The following COL21A1 variants were observed in gnomAD, a reference collection of about 807,000 sequenced individuals.
COL21A1 encodes collagen alpha-1(XXI) chain.
Under a neutral mutation model 137.9 loss-of-function variants are expected in COL21A1, and 149 were observed. That is an observed-to-expected ratio of 1.08 (90% confidence interval 0.95 to 1.24). The LOEUF (loss-of-function observed/expected upper bound fraction) is 1.24. Among genes scored for constraint, COL21A1 ranks in the 50% most tolerant of loss-of-function variants. The probability of loss-of-function intolerance (pLI) is 0.00; values close to 1 mark genes in which losing one functional copy is unlikely to be tolerated. For missense variants in COL21A1, 1,167 were observed against 1,158.4 expected, an observed-to-expected ratio of 1.01 and a Z score of -0.11; for synonymous variants, 456 against 391.5, an observed-to-expected ratio of 1.16 and a Z score of -1.95.
Position 56,059,212 on chromosome 6 carries a change from C to T in COL21A1, c.2639G>A (p.Ser880Asn), listed in dbSNP as rs771682252. ...GLPGRNGEKG[S>N]QGFGYPGEQG... Reference sequence around the variant, plus strand: ...TTCTCCAGGATACCCAAACCCTTGGCTCCCTTTTTCCCCATTTCTTCCTGG... The same window carrying T: ...TTCTCCAGGATACCCAAACCCTTGGTTCCCTTTTTCCCCATTTCTTCCTGG... The change falls in exon 29 of 30, where the codon AGC becomes AAC. Residue 880 changes from serine to asparagine, a missense_variant. Physicochemically the swap from Ser to Asn is conservative, Grantham distance 46. Transcript: ENST00000244728. 1.9e-6 allele frequency: 3 copies of T among 1,607,678 alleles called. No homozygotes were observed. The East Asian group carries it at 6.7e-5, about 36-fold the overall frequency.
chr6:56,201,265 T>C (rs1561978205), intron 1 of COL21A1, among the ~76,000 whole-genome samples: 1 of 152,194 alleles, frequency 6.6e-6, no homozygotes, highest in Non-Finnish European at 1.5e-5. Context: ...GCCTGTTCAC[T>C]CTGATGGTAG....
intron 9 of COL21A1, among the ~76,000 whole-genome samples, chr6:56,163,179 A>G (rs994014413): frequency 1.3e-5 from 2 of 152,262 alleles, no homozygotes; most frequent in African/African-American, 4.8e-5. Context: ...ATTACGATTC[A>G]TATTTAACAA....
At chr6:56,072,155 GT>G (rs1481626777) in intron 20 of COL21A1, among the ~76,000 whole-genome samples, 1 of 151,394 alleles carries the variant, frequency 6.6e-6, no homozygotes, top group Non-Finnish European at 1.5e-5. Flanking sequence ...ACATGACCTC[GT>G]TGTTTTTTAT....
intron 10 of COL21A1, among the ~76,000 whole-genome samples, chr6:56,153,372 C>A (rs551997786): frequency 1.3e-5 from 2 of 152,270 alleles, no homozygotes; most frequent in African/African-American, 4.8e-5. Context: ...CGCCCTCCAA[C>A]CTGCCTATGG....
chr6:56,191,777 G>A (rs1778699610), intron 1 of COL21A1, among the ~76,000 whole-genome samples: 1 of 152,076 alleles, frequency 6.6e-6, no homozygotes, highest in Admixed American at 6.6e-5. Context: ...CCATGCTCAT[G>A]GAAAGGAAGG....
chr6:56,362,577 T>C (rs1765997859), intron 1 of COL21A1, among the ~76,000 whole-genome samples: 1 of 152,146 alleles, frequency 6.6e-6, no homozygotes, highest in African/African-American at 2.4e-5. Flanking sequence ...ATTTTGGCTC[T>C]CCCTCTGACA....
At chr6:56,296,951 C>T (rs945839271) in intron 1 of COL21A1, among the ~76,000 whole-genome samples, 2 of 152,006 alleles carry the variant, frequency 1.3e-5, no homozygotes, top group South Asian at 2.1e-4. Flanking sequence ...CCAAATTAGG[C>T]TCAACCTAGG....
chr6:56,309,284 C>T (rs143391070), intron 1 of COL21A1, among the ~76,000 whole-genome samples: 4,384 of 152,132 alleles, frequency 0.029, 207 homozygotes, highest in African/African-American at 0.099. Flanking sequence ...GTGATCTGCC[C>T]GCCTCGGCCT....
chr6:56,100,202 T>C (rs879319538), intron 17 of COL21A1, among the ~76,000 whole-genome samples: 1 of 152,232 alleles, frequency 6.6e-6, no homozygotes, highest in Non-Finnish European at 1.5e-5. Context: ...ATCTCACATA[T>C]GTGTCTTCAT....
At chr6:56,239,787 C>T (rs1030002839) in intron 1 of COL21A1, among the ~76,000 whole-genome samples, 2 of 152,106 alleles carry the variant, frequency 1.3e-5, no homozygotes, top group South Asian at 4.1e-4. Context: ...TTACATGATG[C>T]CAATGTGATT....
chr6:56,070,802 T>A lies in COL21A1; in HGVS notation c.1966-4A>T. On this transcript the variant is annotated splice_polypyrimidine_tract_variant and splice_region_variant and intron_variant, in intron 20 of 29. Transcript: ENST00000244728. ...TTCCAGGTTCACCTTTGCTTCCCTG[T>A]CAACACATCAAAAACATTGGAGTTT... is the stretch of plus-strand genomic sequence containing the variant. 6.3e-7 allele frequency: 1 copy of A among 1,593,162 alleles called. No homozygotes were observed. The highest frequency in any genetic ancestry group is 8.5e-7 in the Non-Finnish European group (1 of 1,171,902).
At chr6:56,189,129 A>G (rs1398848586) in intron 1 of COL21A1, among the ~76,000 whole-genome samples, 1 of 152,148 alleles carries the variant, frequency 6.6e-6, no homozygotes, top group Admixed American at 6.5e-5. Context: ...TGACGAATTG[A>G]CAGAAGTAGG....
chr6:56,224,856 C>T (rs1241362617), intron 1 of COL21A1, among the ~76,000 whole-genome samples: 1 of 152,022 alleles, frequency 6.6e-6, no homozygotes, highest in African/African-American at 2.4e-5. Flanking sequence ...TACTACTTAA[C>T]CTATCACAAC....
At chr6:56,061,596 C>CA in intron 25 of COL21A1, 53 bp downstream of exon 25, 1 of 1,332,034 alleles carries the variant, frequency 7.5e-7, no homozygotes, top group South Asian at 1.3e-5. Flanking sequence ...GAAACCCAAG[C>CA]AAAAAGGACC....
In COL21A1 at chr6:56,355,669, G is replaced by C. The variant is rs113191333; in HGVS notation, c.-39+38302C>G. Among the ~76,000 whole-genome samples the C allele has an allele frequency of 2.7e-3, 417 of 152,282 alleles. 1 individual carries two copies. Among genetic ancestry groups the C allele is most frequent in the African/African-American group, 9.7e-3 (405 of 41,562 alleles). ...TGATTTTTAAGAGTCCTGTCTTTCA[G>C]AAACAAGTTTTTGTAGATAAAATTT... is the stretch of plus-strand genomic sequence containing the variant. On this transcript the variant is annotated intron_variant, in intron 1 of 28. Coordinates refer to the COL21A1 transcript ENST00000370819.
Position 56,180,231 on chromosome 6 carries a change from T to C in COL21A1, c.89-102A>G, listed in dbSNP as rs1227854828. The C allele has an allele frequency of 4.7e-6, 4 of 857,958 alleles. No individual in the cohort carries two copies. The African/African-American group carries it at 6.9e-5, about 15-fold the overall frequency. 53.1% of individuals were successfully genotyped at this position (857,958 alleles called of 1,614,324 possible). ...TTCAGCTATACACTAATATCATTGC[T>C]TATTTTAAATTGTCTGTGAAATATG... On this transcript the variant is annotated intron_variant, in intron 2 of 29. Coordinates refer to ENST00000244728, the MANE Select transcript of COL21A1 (RefSeq NM_030820.4).
intron 1 of COL21A1, among the ~76,000 whole-genome samples, chr6:56,259,010 C>G (rs1353914070): frequency 6.6e-6 from 1 of 152,158 alleles, no homozygotes; most frequent in African/African-American, 2.4e-5. Flanking sequence ...ACCCATTTAA[C>G]TTTTATTCCT....
In COL21A1 at chr6:56,219,216, C is replaced by CAAAAA. The variant is rs386407160; in HGVS notation, c.-39+28166_-39+28170dup. Among the ~76,000 whole-genome samples, 152 of 76,464 alleles carry CAAAAA rather than the reference C, an allele frequency of 2.0e-3. 7 individuals are homozygous for CAAAAA. The highest frequency in any genetic ancestry group is 5.6e-3 in the African/African-American group (101 of 18,138). 50.2% of individuals were successfully genotyped at this position (76,464 alleles called of 152,430 possible). A position where few individuals can be genotyped will look rare whatever the true frequency, so the allele number is the denominator to read the frequency against. ...GCACTTCCCAAAGCCAAACTTGCAC[C>CAAAAA]AAAAAAAAAAAAAAAAAAAAAAAGG... On this transcript the variant is annotated intron_variant, in intron 1 of 29. Coordinates refer to ENST00000244728, the MANE Select transcript of COL21A1 (RefSeq NM_030820.4).
intron 1 of COL21A1, among the ~76,000 whole-genome samples, chr6:56,345,189 G>A (rs374118479): frequency 2.5e-4 from 38 of 152,240 alleles, no homozygotes; most frequent in African/African-American, 8.9e-4. Context: ...GAGCAACACG[G>A]ATTACTTCTG....
Sources: gnomAD v4.1 joint callset for allele counts (sites outside exome capture counted in the v4.1 genomes callset) on GRCh38, gnomAD v4.1.1 for gene constraint, MANE v1.5 for transcripts, NCBI Gene and HGNC (gene_info 2026-07-23, HGNC 2026-07-21) for gene names.